Variants in BUD13 observed in about 807,000 individuals in gnomAD.
The protein encoded by BUD13 is BUD13 homolog.
BUD13 carries 47 observed loss-of-function variants against 62.5 expected under a neutral mutation model. The ratio of observed to expected loss-of-function variants is 0.75; its 90% CI spans 0.60 to 0.96. The LOEUF is 0.96. Ranked by LOEUF, BUD13 falls within the 40% of genes least tolerant of loss-of-function variation. BUD13 has a pLI of 0.00. For missense variants in BUD13, 821 were observed against 790.9 expected (o/e 1.04, Z -0.46); for synonymous variants, 293 against 280.1 (o/e 1.05, Z -0.46).
In BUD13 at chr11:116,748,540, A is replaced by C; in HGVS notation, c.1802T>G (p.Leu601Arg). Residue 601 changes from leucine to arginine, a missense_variant, in exon 10 of 10, where the codon CTT (leucine) becomes CGT (arginine). Leu to Arg is a moderately radical substitution (Grantham distance 102). This residue lies in a region of BUD13 where 21 missense variants were observed against 51.7 expected (regional missense o/e 0.41). Coordinates refer to ENST00000260210, the MANE Select transcript of BUD13 (RefSeq NM_032725.4). ...TTCCTCCACTGCCTTCTTGCTGGCAAGCCTGGCAAAGCGCTTCTGTTCAAA... is the reference window on the plus strand; with the variant it reads ...TTCCTCCACTGCCTTCTTGCTGGCACGCCTGGCAAAGCGCTTCTGTTCAAA... The part of the protein sequence containing the change: ...NGFEQKRFAR[L>R]ASKKAVEELA... The C allele has an allele frequency of 6.2e-7, 1 of 1,614,256 alleles. No homozygotes were observed. The highest frequency in any genetic ancestry group is 8.5e-7 in the Non-Finnish European group (1 of 1,180,032).
intron 8 of BUD13, 81 bp from the exon 9 acceptor site, chr11:116,757,308 T>C: frequency 3.1e-6 from 4 of 1,284,904 alleles, no homozygotes; most frequent in Admixed American, 2.0e-5. Context: ...GAATTTTCCT[T>C]TTTTTTTAGT....
Position 116,772,824 on chromosome 11 carries a change from C to T in BUD13, c.141G>A (p.Lys47=). 1 of 1,576,950 alleles carries T rather than the reference C, an allele frequency of 6.3e-7. No individual in the cohort carries two copies. Among genetic ancestry groups the T allele is most frequent in the Non-Finnish European group, 8.6e-7 (1 of 1,165,440 alleles). ...KRPKPGGAGG[K]GMRIVDDDVS... is the part of the protein sequence containing the mutation. The stretch of plus-strand genomic sequence containing the variant: ...CGCCCCGGCCGGTACCAACTCACCC[C>T]TTGCCGCCGGCCCCGCCAGGCTTCG... Residue 47 remains lysine (K), a splice_region_variant and synonymous_variant, in exon 1 of 10, where the codon AAG becomes AAA. Coordinates refer to ENST00000260210, the MANE Select transcript of BUD13 (RefSeq NM_032725.4).
In BUD13 at chr11:116,770,148, T is replaced by A; in HGVS notation, c.218A>T (p.Asp73Val). Reference sequence around the variant, plus strand: ...ACATACCACAGGCAAATCTCCATCATCTTCCTCTTCCTCCTTTTCTAGTTT... The same window carrying A: ...ACATACCACAGGCAAATCTCCATCAACTTCCTCTTCCTCCTTTTCTAGTTT... ...TTKLEKEEEE[D>V]DGDLPVVAEF... The change falls in exon 2 of 10, where the codon GAT becomes GTT. Residue 73 changes from aspartate to valine, a missense_variant. Asp to Val is a radical substitution (Grantham distance 152). Around this residue, in one of 2 missense-constraint regions of BUD13, gnomAD observed 800 missense variants for 739.2 expected, o/e 1.08. Transcript: ENST00000260210. 1 of 1,612,186 alleles carries A rather than the reference T, an allele frequency of 6.2e-7. No homozygotes were observed. Among genetic ancestry groups the A allele is most frequent in the African/African-American group, 1.3e-5 (1 of 74,870 alleles).
chr11:116,770,056 C>CAA (rs34855544), intron 2 of BUD13, 73 bp downstream of exon 2: 69,687 of 837,308 alleles, frequency 0.083, 1,350 homozygotes, highest in African/African-American at 0.23. Flanking sequence ...GACTCCGTCT[C>CAA]AAAAAAAAAA....
chr11:116,760,627 A>G, intron 5 of BUD13, 108 bp downstream of exon 5: 1 of 1,261,278 alleles, frequency 7.9e-7, no homozygotes, highest in Non-Finnish European at 1.1e-6. Context: ...GATTTACTAC[A>G]CTTCTCAGAG....
rs1193081050 is a variant in BUD13 at position 116,760,799 on chromosome 11, T to C, written c.1190A>G (p.Gln397Arg). Residue 397 changes from glutamine to arginine, a missense_variant, in exon 5 of 10, where the codon CAG becomes CGG. Around this residue, in one of 2 missense-constraint regions of BUD13, gnomAD observed 800 missense variants for 739.2 expected, o/e 1.08. Transcript: ENST00000260210. ...GTCAGAATCAGAAGATTTGGTCCTC[T>C]GTCTCCTCCTTGGTGGAGAGAGGTC... ...DSDLSPPRRR[Q>R]RTKSSDSDLS... 5 of 1,614,072 alleles carry C rather than the reference T, an allele frequency of 3.1e-6. No individual in the cohort carries two copies. The highest frequency in any genetic ancestry group is 4.2e-6 in the Non-Finnish European group (5 of 1,180,032).
At chr11:116,770,933 A>G (rs1440745593) in intron 1 of BUD13, among the ~76,000 whole-genome samples, 2 of 152,062 alleles carry the variant, frequency 1.3e-5, no homozygotes, top group Admixed American at 6.5e-5. Flanking sequence ...AGCTGGGACT[A>G]CAGGCATGTG....
At chr11:116,755,366 A>G (rs1940304902) in intron 9 of BUD13, among the ~76,000 whole-genome samples, 1 of 152,230 alleles carries the variant, frequency 6.6e-6, no homozygotes. Flanking sequence ...CAACATTTGG[A>G]AGGTCTGAAC....
rs1940341823 is a variant in BUD13, at chr11:116,757,182, T to C, written c.1730A>G (p.Asn577Ser). 6.2e-7 allele frequency: 1 copy of C among 1,614,186 alleles called. No individual in the cohort carries two copies. The highest frequency in any genetic ancestry group is 8.5e-7 in the Non-Finnish European group (1 of 1,180,002). Residue 577 changes from asparagine (N) to serine (S), a missense_variant, in exon 9 of 10, where the codon AAT (asparagine) becomes AGT (serine). Around this residue, in one of 2 missense-constraint regions of BUD13, gnomAD observed 800 missense variants for 739.2 expected, o/e 1.08. Coordinates refer to ENST00000260210, the MANE Select transcript of BUD13 (RefSeq NM_032725.4). Reference sequence around the variant, plus strand: ...GTCCCAGCGATATCCAGGCCAGATATTAAATCTGTTGGGAGGAGGTGCTGG... The same window carrying C: ...GTCCCAGCGATATCCAGGCCAGATACTAAATCTGTTGGGAGGAGGTGCTGG... ...SGPAPPPNRF[N>S]IWPGYRWDGV...
chr11:116,763,510 A>G (rs1487130719), intron 3 of BUD13, among the ~76,000 whole-genome samples: 1 of 151,972 alleles, frequency 6.6e-6, no homozygotes, highest in Non-Finnish European at 1.5e-5. Flanking sequence ...TTCATATTAT[A>G]CCCTTTAAGG....
chr11:116,769,463 C>A (rs549571416), intron 2 of BUD13, among the ~76,000 whole-genome samples: 1 of 152,124 alleles, frequency 6.6e-6, no homozygotes, highest in Non-Finnish European at 1.5e-5. Flanking sequence ...AGTTAAAGCA[C>A]TGAAAAAAGG....
chr11:116,758,690 C>T (rs1345040760), intron 6 of BUD13, among the ~76,000 whole-genome samples: 2 of 149,168 alleles, frequency 1.3e-5, no homozygotes, highest in Admixed American at 6.8e-5. Context: ...CAGGTTCAAG[C>T]GATTCTCCTG....
In BUD13 at chr11:116,765,454, A is replaced by G. The variant is rs2134182270; in HGVS notation, c.238-8T>C. 6.2e-7 allele frequency: 1 copy of G among 1,614,124 alleles called. No individual in the cohort carries two copies. Among genetic ancestry groups the G allele is most frequent in the East Asian group, 2.2e-5 (1 of 44,880 alleles). ...ATCCACAAACTCTGCCACCTGTGAG[A>G]GTAAAGATTTCCTATCTTAGGAAAT... On this transcript the variant is annotated splice_region_variant and splice_polypyrimidine_tract_variant and intron_variant, in intron 2 of 9. Transcript: ENST00000260210.
intron 2 of BUD13, among the ~76,000 whole-genome samples, chr11:116,766,406 C>A (rs993643299): frequency 1.3e-5 from 2 of 152,204 alleles, no homozygotes; most frequent in African/African-American, 4.8e-5. Flanking sequence ...GAATTTAAAT[C>A]CAGGTCATAA....
chr11:116,748,343 T>G lies in BUD13; in HGVS notation c.*139A>C. The G allele has an allele frequency of 1.4e-6, 1 of 700,058 alleles. No individual in the cohort carries two copies. Among genetic ancestry groups the G allele is most frequent in the Non-Finnish European group, 2.5e-6 (1 of 405,004 alleles). The allele number at this position is 700,058 out of a possible 1,614,324, so 43.4% of individuals were successfully genotyped here. ...TCCAAACATCAGGTCTCGAATATTC[T>G]TCTGTGGTCAAAACTGGCATTCAAC... On this transcript the variant is annotated 3_prime_UTR_variant, in exon 10 of 10. Coordinates refer to ENST00000260210, the MANE Select transcript of BUD13 (RefSeq NM_032725.4).
intron 2 of BUD13, among the ~76,000 whole-genome samples, chr11:116,769,212 C>G (rs532048851): frequency 6.6e-6 from 1 of 152,172 alleles, no homozygotes; most frequent in Non-Finnish European, 1.5e-5. Flanking sequence ...CTCTTACTTA[C>G]CCTTCAAAAC....
Position 116,764,512 on chromosome 11 carries a change from CTGTG to C in BUD13, c.322+846_322+849del, listed in dbSNP as rs137987268. ...AAGGAGTGAGTGAGTGTGAGTGTGA[CTGTG>C]TGTGTGTGTGACTGACCTTCTAAAC... On this transcript the variant is annotated intron_variant, in intron 3 of 9. Transcript: ENST00000260210. Among the ~76,000 whole-genome samples, 67 of 151,234 alleles carry C rather than the reference CTGTG, an allele frequency of 4.4e-4. No homozygotes were observed. The East Asian group carries it at 4.8e-3, about 11-fold the overall frequency.
At chr11:116,755,623 A>G (rs1266979576) in intron 9 of BUD13, among the ~76,000 whole-genome samples, 2 of 152,204 alleles carry the variant, frequency 1.3e-5, no homozygotes, top group Admixed American at 6.5e-5. Context: ...TTTTCTTTCT[A>G]TACTTCAACT....
intron 2 of BUD13, among the ~76,000 whole-genome samples, chr11:116,767,291 C>A (rs1218325964): frequency 6.6e-6 from 1 of 150,882 alleles, no homozygotes; most frequent in Non-Finnish European, 1.5e-5. Context: ...TGATTCATTT[C>A]ACTAGTGTTC....
Sources: gnomAD v4.1 joint callset for allele counts (sites outside exome capture counted in the v4.1 genomes callset) on GRCh38, gnomAD v4.1.1 for gene constraint, gnomAD v4.1.1 regional missense constraint, MANE v1.5 for transcripts, NCBI Gene and HGNC (gene_info 2026-07-23, HGNC 2026-07-21) for gene names.